The following ABCD2 variants were observed in gnomAD, a reference collection of about 807,000 sequenced individuals.
ABCD2 encodes ATP binding cassette subfamily D member 2, also known as ATP-binding cassette sub-family D member 2.
Under a neutral mutation model 70.9 loss-of-function variants are expected in ABCD2, and 36 were observed. That is an observed-to-expected ratio of 0.51 (90% CI 0.39 to 0.67). ABCD2 has a LOEUF of 0.67. Ranked by LOEUF, ABCD2 falls within the 30% of genes least tolerant of loss-of-function variation. The pLI is 0.00. For synonymous variants in ABCD2, 304 were observed against 306.9 expected, an observed-to-expected ratio of 0.99 and a Z score of 0.10; for missense variants, 729 against 890.2, an observed-to-expected ratio of 0.82 and a Z score of 2.30.
chr12:39,607,324 T>TAAA (rs1941981945), intron 3 of ABCD2, among the ~76,000 whole-genome samples: 1 of 152,074 alleles, frequency 6.6e-6, no homozygotes, highest in Non-Finnish European at 1.5e-5. Flanking sequence ...GCACTCTGGC[T>TAAA]CCAGAGTTCA....
intron 7 of ABCD2, among the ~76,000 whole-genome samples, chr12:39,582,860 A>AT (rs768887989): frequency 0.015 from 2,086 of 143,124 alleles, 22 homozygotes; most frequent in South Asian, 0.026. Context: ...TTAGCTACTA[A>AT]TTTTTTTTTT....
intron 4 of ABCD2, 54 bp downstream of exon 4, chr12:39,604,708 T>C: frequency 7.2e-7 from 1 of 1,395,308 alleles, no homozygotes. Flanking sequence ...AAACTTTGGT[T>C]CTGTTGATAA....
intron 9 of ABCD2, among the ~76,000 whole-genome samples, chr12:39,569,602 G>A (rs1004855368): frequency 3.9e-5 from 6 of 152,090 alleles, no homozygotes; most frequent in African/African-American, 7.2e-5. Flanking sequence ...GCCCTGCTTC[G>A]CCTCACGCTC....
intron 1 of ABCD2, 82 bp downstream of exon 1, chr12:39,618,595 C>G (rs556161795): frequency 4.3e-4 from 558 of 1,306,508 alleles, no homozygotes; most frequent in Non-Finnish European, 5.4e-4. Flanking sequence ...GGTCCATCGA[C>G]AGGACAACAG....
chr12:39,601,609 C>A (rs1380695357), intron 5 of ABCD2, among the ~76,000 whole-genome samples: 1 of 151,594 alleles, frequency 6.6e-6, no homozygotes, highest in Non-Finnish European at 1.5e-5. Flanking sequence ...CTACTTCTAC[C>A]AAGAGCAAAT....
In ABCD2 at chr12:39,576,703, A is replaced by G. The variant is rs371630395; in HGVS notation, c.1877+2832T>C. ...TGATTTAATTTACCTGAAGTTATAC[A>G]ACAAGCAAAACCAATTTATGGTGAC... On this transcript the variant is annotated intron_variant, in intron 8 of 9. Coordinates refer to ENST00000308666, the MANE Select transcript of ABCD2 (RefSeq NM_005164.4). 2.4e-3 allele frequency among the ~76,000 whole-genome samples: 371 copies of G among 152,350 alleles called. 18 individuals are homozygous for G. The South Asian group carries it at 0.069, about 28-fold the overall frequency.
At chr12:39,546,141 C>T (rs1480940488), downstream of ABCD2, among the ~76,000 whole-genome samples, 1 of 151,888 alleles carries the variant, frequency 6.6e-6, no homozygotes, top group Non-Finnish European at 1.5e-5. Flanking sequence ...TTCTGTTCAG[C>T]AGAAAAGAAA....
In ABCD2 at chr12:39,607,672, G is replaced by C; in HGVS notation, c.1163C>G (p.Ala388Gly). The change falls in exon 3 of 10, where the codon GCC (alanine) becomes GGC (glycine). Residue 388 changes from alanine to glycine, a missense_variant. Ala to Gly is a moderately conservative substitution (Grantham distance 60). This residue lies in a region of ABCD2 where 195 missense variants were observed against 300.2 expected (regional missense o/e 0.65). Transcript: ENST00000308666. ...KQVMVSERTE[A>G]FTTARNLLAS... Reference sequence around the variant, plus strand: ...CAGTAAATTTCGAGCAGTGGTAAAGGCTTCTGTCCGTTCACTAACCATAAC... The same window carrying C: ...CAGTAAATTTCGAGCAGTGGTAAAGCCTTCTGTCCGTTCACTAACCATAAC... The C allele has an allele frequency of 6.2e-7, 1 of 1,612,914 alleles. No homozygotes were observed. Among genetic ancestry groups the C allele is most frequent in the South Asian group, 1.1e-5 (1 of 90,946 alleles).
intron 5 of ABCD2, 25 bp downstream of exon 5, chr12:39,603,887 A>G: frequency 6.6e-7 from 1 of 1,517,800 alleles, no homozygotes; most frequent in Non-Finnish European, 9.1e-7. Flanking sequence ...GGCAACAATC[A>G]GAAGATTCTT....
chr12:39,581,531 C>T (rs566026912), intron 7 of ABCD2, among the ~76,000 whole-genome samples: 11 of 152,210 alleles, frequency 7.2e-5, no homozygotes, highest in African/African-American at 2.2e-4. Flanking sequence ...AGAGTTCTTG[C>T]TTCTAGGGAA....
rs776619032 is a variant in ABCD2 at position 39,604,034 on chromosome 12, A to C, written c.1406-28T>G. ...GTAATTAAGAAAAAGTGTAAGATAC[A>C]AACATTATCACAGGTTTCTGATTAA... On this transcript the variant is annotated intron_variant, in intron 4 of 9. Transcript: ENST00000308666. 11 of 1,450,550 alleles carry C rather than the reference A, an allele frequency of 7.6e-6. No homozygotes were observed. The Admixed American group carries it at 1.9e-4, about 25-fold the overall frequency. 89.9% of individuals were successfully genotyped at this position (1,450,550 alleles called of 1,614,324 possible).
the ABCD2 span, among the ~76,000 whole-genome samples, chr12:39,543,348 A>G: frequency 5.9e-5 from 9 of 152,174 alleles, no homozygotes; most frequent in Non-Finnish European, 1.2e-4. Flanking sequence ...TCTCCTCTCT[A>G]AGTATAATTT....
chr12:39,566,498 C>T (rs192064993), intron 9 of ABCD2, among the ~76,000 whole-genome samples: 33 of 152,132 alleles, frequency 2.2e-4, no homozygotes, highest in Middle Eastern at 6.8e-3. Context: ...TTTTTTATTG[C>T]ATCTATTTGA....
chr12:39,534,701 C>CGGAAGGAAGGACGGAAGGAA, the ABCD2 span, among the ~76,000 whole-genome samples: 682 of 111,252 alleles, frequency 6.1e-3, 19 homozygotes, highest in African/African-American at 0.024. Flanking sequence ...GAAGGAAGGA[C>CGGAAGGAAGGACGGAAGGAA]GGAAGGAAGG....
intron 7 of ABCD2, among the ~76,000 whole-genome samples, chr12:39,579,846 C>A (rs1222643263): frequency 1.3e-5 from 2 of 151,970 alleles, no homozygotes; most frequent in South Asian, 4.2e-4. Context: ...AATGATCTTA[C>A]AAGAATTCTA....
At chr12:39,591,195 G>A (rs1941741357) in intron 6 of ABCD2, among the ~76,000 whole-genome samples, 1 of 152,024 alleles carries the variant, frequency 6.6e-6, no homozygotes, top group Admixed American at 6.6e-5. Context: ...TATACATGCT[G>A]GAACCAATCA....
intron 7 of ABCD2, among the ~76,000 whole-genome samples, chr12:39,581,700 A>C (rs76553666): frequency 0.035 from 5,338 of 152,242 alleles, 332 homozygotes; most frequent in African/African-American, 0.12. Flanking sequence ...ACAAGAGAAA[A>C]GTATTTGGGT....
chr12:39,552,775 C>G lies in ABCD2; in HGVS notation c.*1137G>C, dbSNP rs1695678652. 1 of 151,866 alleles carries G rather than the reference C, an allele frequency of 6.6e-6. No individual in the cohort carries two copies. Among genetic ancestry groups the G allele is most frequent in the African/African-American group, 2.4e-5 (1 of 41,406 alleles). 9.4% of individuals were successfully genotyped at this position (151,866 alleles called of 1,614,324 possible). On this transcript the variant is annotated 3_prime_UTR_variant, in exon 10 of 10. Transcript: ENST00000308666. ...TATGAAATTTATTTTATTTTCTACA[C>G]TTCGTCTAACTTTTATTGCTATTAT...
At chr12:39,579,235 G>A (rs1468194624) in intron 8 of ABCD2, among the ~76,000 whole-genome samples, 1 of 152,166 alleles carries the variant, frequency 6.6e-6, no homozygotes, top group Non-Finnish European at 1.5e-5. Context: ...GGTGGCACAC[G>A]CCTGTAATTC....
Sources: allele counts gnomAD v4.1 joint callset (sites outside exome capture counted in the v4.1 genomes callset), GRCh38; gene constraint gnomAD v4.1.1; regional missense constraint gnomAD v4.1.1; transcripts MANE v1.5; gene names NCBI Gene and HGNC (gene_info 2026-07-23, HGNC 2026-07-21).